NOL10: variants seen among roughly 807,000 people sequenced by gnomAD.
The protein encoded by NOL10 is H_NH0074G24.1.
A neutral mutation model predicts 103.5 loss-of-function variants in NOL10; 58 were observed. The ratio of observed to expected loss-of-function variants is 0.56; its 90% CI spans 0.45 to 0.70. The LOEUF (loss-of-function observed/expected upper bound fraction) is 0.70. Ranked by LOEUF, NOL10 falls within the 30% of genes least tolerant of loss-of-function variation. The pLI is 0.00. For synonymous variants in NOL10, 287 were observed against 282.5 expected (o/e 1.02, Z -0.16); for missense variants, 763 against 807.3 (o/e 0.95, Z 0.67).
intron 3 of NOL10, among the ~76,000 whole-genome samples, chr2:10,677,839 TTGTGTGTGTGTG>T (rs58970211): frequency 1.4e-5 from 2 of 146,742 alleles, no homozygotes; most frequent in Non-Finnish European, 3.0e-5. Flanking sequence ...TTTAATACAT[TTGTGTGTGTGTG>T]TGTGTGTGTG....
chr2:10,588,889 T>G (rs964056395), intron 19 of NOL10, among the ~76,000 whole-genome samples, 154 bp downstream of exon 19: 1 of 152,180 alleles, frequency 6.6e-6, no homozygotes. Context: ...CATCACCTCC[T>G]GCACGGCCTT....
Position 10,587,110 on chromosome 2 carries a change from CAT to C in NOL10, c.1844+1931_1844+1932del, listed in dbSNP as rs1323333701. Among the ~76,000 whole-genome samples, 130 of 42,154 alleles carry C rather than the reference CAT, an allele frequency of 3.1e-3. 27 individuals are homozygous for C. Among genetic ancestry groups the C allele is most frequent in the Middle Eastern group, 0.016 (2 of 122 alleles). The allele number at this position is 42,154 out of a possible 152,430, so 27.7% of individuals were successfully genotyped here. On this transcript the variant is annotated intron_variant, in intron 19 of 20. Transcript: ENST00000381685. ...ATACATATATATACACATATATATA[CAT>C]ATATATACATATATATACATATATA...
At chr2:10,651,609 A>G (rs1679464085) in intron 12 of NOL10, among the ~76,000 whole-genome samples, 1 of 152,066 alleles carries the variant, frequency 6.6e-6, no homozygotes, top group African/African-American at 2.4e-5. Flanking sequence ...GCTAGTGGCT[A>G]CCAAACTGTA....
intron 3 of NOL10, among the ~76,000 whole-genome samples, chr2:10,679,272 T>A (rs1466919384): frequency 2.0e-5 from 3 of 149,930 alleles, no homozygotes; most frequent in Non-Finnish European, 4.4e-5. Context: ...GGCAGGAGAA[T>A]CACTTGAACC....
chr2:10,582,568 AG>A (rs1224097635), intron 19 of NOL10, among the ~76,000 whole-genome samples: 2 of 152,212 alleles, frequency 1.3e-5, no homozygotes, highest in African/African-American at 4.8e-5. Flanking sequence ...TGATGTGCCC[AG>A]ATTCCTGAGG....
intron 12 of NOL10, among the ~76,000 whole-genome samples, chr2:10,653,563 C>T (rs1162662282): frequency 6.6e-6 from 1 of 152,160 alleles, no homozygotes; most frequent in Non-Finnish European, 1.5e-5. Flanking sequence ...ACATTTAGCA[C>T]ATCATGCCCA....
intron 13 of NOL10, among the ~76,000 whole-genome samples, chr2:10,609,246 G>A (rs1490118583): frequency 1.1e-5 from 1 of 94,020 alleles, no homozygotes; most frequent in Non-Finnish European, 2.0e-5. Context: ...GGGGAAGATG[G>A]CTTAAAAAAA....
chr2:10,621,093 C>A (rs977650122), intron 13 of NOL10, among the ~76,000 whole-genome samples: 1 of 152,006 alleles, frequency 6.6e-6, no homozygotes, highest in African/African-American at 2.4e-5. Flanking sequence ...TGTGCCTGGC[C>A]GCTGCTAATC....
intron 13 of NOL10, among the ~76,000 whole-genome samples, chr2:10,626,457 C>A (rs2148232183): frequency 6.6e-6 from 1 of 152,022 alleles, no homozygotes; most frequent in South Asian, 2.1e-4. Context: ...ATAAGGTGGG[C>A]CTTTTAAAAG....
At chr2:10,645,365 C>G (rs1017086175) in intron 12 of NOL10, among the ~76,000 whole-genome samples, 1 of 151,974 alleles carries the variant, frequency 6.6e-6, no homozygotes, top group South Asian at 2.1e-4. Context: ...AATGAATATA[C>G]CAAATGTTAA....
At chr2:10,650,527 T>A (rs577718400) in intron 12 of NOL10, among the ~76,000 whole-genome samples, 1 of 152,292 alleles carries the variant, frequency 6.6e-6, no homozygotes, top group South Asian at 2.1e-4. Flanking sequence ...ACTTTTAAAT[T>A]TCATTTAAAA....
intron 14 of NOL10, among the ~76,000 whole-genome samples, chr2:10,605,666 A>T (rs1376020028): frequency 6.6e-6 from 1 of 152,124 alleles, no homozygotes; most frequent in Non-Finnish European, 1.5e-5. Context: ...AGTAGTTTTT[A>T]AAAAATCCAT....
intron 19 of NOL10, among the ~76,000 whole-genome samples, chr2:10,578,543 T>C (rs1444936374): frequency 1.3e-5 from 2 of 152,206 alleles, no homozygotes; most frequent in African/African-American, 4.8e-5. Context: ...TCTGTTACAG[T>C]CTGCTGTGCC....
At chr2:10,646,339 C>G (rs567065059) in intron 12 of NOL10, among the ~76,000 whole-genome samples, 13 of 152,326 alleles carry the variant, frequency 8.5e-5, no homozygotes, top group African/African-American at 3.1e-4. Context: ...AATGAACATT[C>G]CACAATGAAA....
At position 10,673,482 on chromosome 2, in the gene NOL10, T is replaced by C. The variant is rs113721770; in HGVS notation, c.327+38A>G. The stretch of plus-strand genomic sequence containing the variant: ...AAATAAATTCCACTCACTCATTTCT[T>C]GGGTCTAGTCAGTACAAACCAATGC... On this transcript the variant is annotated intron_variant, in intron 5 of 20. Coordinates refer to ENST00000381685, the MANE Select transcript of NOL10 (RefSeq NM_024894.4). 6.8e-6 allele frequency: 9 copies of C among 1,332,550 alleles called. No individual in the cohort carries two copies. The African/African-American group carries it at 9.1e-5, about 13-fold the overall frequency. 82.5% of individuals were successfully genotyped at this position (1,332,550 alleles called of 1,614,324 possible). A position where few individuals can be genotyped will look rare whatever the true frequency, so the allele number is the denominator to read the frequency against.
chr2:10,652,791 C>T (rs1679562320), intron 12 of NOL10, among the ~76,000 whole-genome samples: 1 of 152,192 alleles, frequency 6.6e-6, no homozygotes, highest in South Asian at 2.1e-4. Flanking sequence ...TACAGACCTG[C>T]TTACCCCAAG....
At chr2:10,585,802 T>C (rs1160414611) in intron 19 of NOL10, among the ~76,000 whole-genome samples, 1 of 152,246 alleles carries the variant, frequency 6.6e-6, no homozygotes, top group Non-Finnish European at 1.5e-5. Flanking sequence ...AAATGCTACA[T>C]GCATAGTTGT....
chr2:10,573,476 G>A (rs7607627), intron 20 of NOL10, among the ~76,000 whole-genome samples: 7 of 151,680 alleles, frequency 4.6e-5, no homozygotes, highest in Non-Finnish European at 5.9e-5. Flanking sequence ...ACAGGCGTGC[G>A]CCACCGTGCC....
chr2:10,588,279 A>G lies in NOL10; in HGVS notation c.1844+764T>C, dbSNP rs187322590. Among the ~76,000 whole-genome samples the G allele has an allele frequency of 3.3e-3, 509 of 152,338 alleles. 1 individual carries two copies. Among genetic ancestry groups the G allele is most frequent in the Non-Finnish European group, 5.6e-3 (382 of 68,034 alleles). The stretch of plus-strand genomic sequence containing the variant: ...TTAACCATTTTTAAGTAGACAGTTC[A>G]GCAGCATTAAGTACATTCACACTGT... On this transcript the variant is annotated intron_variant, in intron 19 of 20. Transcript: ENST00000381685.
Sources: allele counts gnomAD v4.1 joint callset (sites outside exome capture counted in the v4.1 genomes callset), GRCh38; gene constraint gnomAD v4.1.1; transcripts MANE v1.5; gene names NCBI Gene and HGNC (gene_info 2026-07-23, HGNC 2026-07-21).